The following STEAP4 variants were observed in gnomAD, a reference collection of about 807,000 sequenced individuals.
The protein encoded by STEAP4 is metalloreductase STEAP4.
A neutral mutation model predicts 43.6 loss-of-function variants in STEAP4; 36 were observed. That is an observed-to-expected ratio of 0.83 (90% confidence interval 0.63 to 1.09). The LOEUF is 1.09. Ranked by LOEUF, STEAP4 falls within the 50% of genes least tolerant of loss-of-function variation. The probability of loss-of-function intolerance (pLI) is 0.00; values close to 1 mark genes in which losing one functional copy is unlikely to be tolerated. For missense variants in STEAP4, 495 were observed against 546.5 expected (o/e 0.91, Z 0.94); for synonymous variants, 191 against 196.7 (o/e 0.97, Z 0.24).
intron 1 of STEAP4, among the ~76,000 whole-genome samples, chr7:88,303,222 G>T (rs892036820): frequency 6.9e-6 from 1 of 144,668 alleles, no homozygotes; most frequent in South Asian, 2.2e-4. Context: ...CCAACCGGGC[G>T]CGGTGGCTCA....
chr7:88,287,368 C>T (rs1430197127), intron 1 of STEAP4, among the ~76,000 whole-genome samples: 3 of 152,118 alleles, frequency 2.0e-5, no homozygotes, highest in African/African-American at 7.2e-5. Context: ...CAATCCTGGT[C>T]GAGCCCCCAA....
intron 1 of STEAP4, among the ~76,000 whole-genome samples, chr7:88,285,887 A>G (rs1241624162): frequency 6.6e-6 from 1 of 152,196 alleles, no homozygotes. Flanking sequence ...GGTCAATGAG[A>G]AAACAGATTA....
chr7:88,283,491 A>G, intron 2 of STEAP4: 1 of 487,744 alleles, frequency 2.1e-6, no homozygotes, highest in Non-Finnish European at 3.6e-6. Context: ...ATCTCAGTGT[A>G]TAAATGGAAC....
Position 88,280,983 on chromosome 7 carries a change from G to A in STEAP4, c.1081C>T (p.Leu361Phe), listed in dbSNP as rs1355478049. The A allele has an allele frequency of 6.2e-7, 1 of 1,613,084 alleles. No individual in the cohort carries two copies. Among genetic ancestry groups the A allele is most frequent in the East Asian group, 2.2e-5 (1 of 44,720 alleles). ...LGILGFFLFV[L>F]LGITSLPSVS... ...GATGGCAAAGAAGTGATTCCCAAGA[G>A]TACAAACAGAAAAAACCCAAGTATT... Residue 361 changes from leucine (L) to phenylalanine (F), a missense_variant, in exon 4 of 5, where the codon CTC becomes TTC. Leu to Phe is a conservative substitution (Grantham distance 22). Transcript: ENST00000380079.
chr7:88,298,466 A>AACACACACACACACACACACAC (rs35424721), intron 1 of STEAP4: 1 of 141,318 alleles, frequency 7.1e-6, no homozygotes, highest in South Asian at 2.3e-4. Context: ...GGTTCTTGTA[A>AACACACACACACACACACACAC]ACACACACAC....
chr7:88,286,185 A>G (rs1852731078), intron 1 of STEAP4, among the ~76,000 whole-genome samples: 1 of 152,238 alleles, frequency 6.6e-6, no homozygotes, highest in Admixed American at 6.5e-5. Context: ...AAAGAAATTG[A>G]CAAGGAAATT....
At chr7:88,283,444 T>C (rs1247636453) in intron 2 of STEAP4, 2 of 483,144 alleles carry the variant, frequency 4.1e-6, no homozygotes, top group East Asian at 3.4e-5. Context: ...TTTGATCTTC[T>C]GTGTTTGTGG....
intron 1 of STEAP4, among the ~76,000 whole-genome samples, chr7:88,295,016 T>C (rs916080644): frequency 7.2e-5 from 11 of 152,180 alleles, no homozygotes; most frequent in African/African-American, 2.7e-4. Flanking sequence ...AATATACAAA[T>C]TTAAAATGTA....
chr7:88,303,210 C>CAA (rs1853069677), intron 1 of STEAP4, among the ~76,000 whole-genome samples: 6 of 120,148 alleles, frequency 5.0e-5, no homozygotes, highest in Admixed American at 1.7e-4. Flanking sequence ...AAAAAAAAAA[C>CAA]TCCAACCGGG....
At chr7:88,285,021 C>T (rs1852704196) in intron 1 of STEAP4, among the ~76,000 whole-genome samples, 2 of 151,966 alleles carry the variant, frequency 1.3e-5, no homozygotes, top group African/African-American at 2.4e-5. Context: ...AAAGCTCTAA[C>T]ATAACTAGAT....
At chr7:88,300,135 T>C (rs1853006282) in intron 1 of STEAP4, among the ~76,000 whole-genome samples, 1 of 152,342 alleles carries the variant, frequency 6.6e-6, no homozygotes, top group African/African-American at 2.4e-5. Context: ...TATTCTGATA[T>C]ACAAGCTTGA....
intron 1 of STEAP4, among the ~76,000 whole-genome samples, chr7:88,285,446 G>A (rs1399542997): frequency 1.3e-5 from 2 of 152,066 alleles, no homozygotes; most frequent in African/African-American, 4.8e-5. Flanking sequence ...GTTAATAAAT[G>A]GGATGCTAGT....
chr7:88,299,360 G>A (rs951086655), intron 1 of STEAP4, among the ~76,000 whole-genome samples: 8 of 152,134 alleles, frequency 5.3e-5, no homozygotes, highest in Non-Finnish European at 1.2e-4. Context: ...TAAAGCCCAG[G>A]ACTCATGACA....
In STEAP4 at chr7:88,284,850, C is replaced by A. The variant is rs78352746; in HGVS notation, c.-2-579G>T. On this transcript the variant is annotated intron_variant, in intron 1 of 4. Transcript: ENST00000380079. ...TAAAATTCAACATTTATTCTTGATT[C>A]ATAGTGAAAGAGAAATACATAGATA... 2.7e-3 allele frequency among the ~76,000 whole-genome samples: 405 copies of A among 152,176 alleles called. 16 individuals carry two copies. The East Asian group carries it at 0.062, about 23-fold the overall frequency.
Position 88,279,218 on chromosome 7 carries a change from T to A in STEAP4, c.*180A>T, listed in dbSNP as rs1372951610. On this transcript the variant is annotated 3_prime_UTR_variant, in exon 5 of 5. Transcript: ENST00000380079. ...TCACTAACCTGAGATAAAATGGTGT[T>A]CTCTTCCAGTATGTCAGTCAATTTC... 3.3e-6 allele frequency: 2 copies of A among 608,096 alleles called. No homozygotes were observed. The highest frequency in any genetic ancestry group is 5.8e-6 in the Non-Finnish European group (2 of 347,150). The allele number at this position is 608,096 out of a possible 1,614,324, so 37.7% of individuals were successfully genotyped here. A position where few individuals can be genotyped will look rare whatever the true frequency, so the allele number is the denominator to read the frequency against.
At chr7:88,289,571 A>G (rs1852801936) in intron 1 of STEAP4, among the ~76,000 whole-genome samples, 1 of 152,218 alleles carries the variant, frequency 6.6e-6, no homozygotes, top group South Asian at 2.1e-4. Context: ...CTGAAGTTGC[A>G]CGCCTCCATC....
At chr7:88,287,748 A>G (rs1852760706) in intron 1 of STEAP4, among the ~76,000 whole-genome samples, 1 of 152,200 alleles carries the variant, frequency 6.6e-6, no homozygotes. Flanking sequence ...AATGCTATCC[A>G]TAGGAGCAAT....
intron 1 of STEAP4, among the ~76,000 whole-genome samples, chr7:88,299,492 C>A (rs1852993026): frequency 1.3e-5 from 2 of 152,150 alleles, no homozygotes; most frequent in Non-Finnish European, 2.9e-5. Flanking sequence ...CTGGTCATGA[C>A]CAGGACCAGT....
At chr7:88,302,520 G>A (rs761902191) in intron 1 of STEAP4, among the ~76,000 whole-genome samples, 4 of 152,208 alleles carry the variant, frequency 2.6e-5, no homozygotes, top group Non-Finnish European at 4.4e-5. Context: ...TTCACACCCT[G>A]TAAAAAGAGC....
Sources: allele counts gnomAD v4.1 joint callset (sites outside exome capture counted in the v4.1 genomes callset), GRCh38; gene constraint gnomAD v4.1.1; transcripts MANE v1.5; gene names NCBI Gene and HGNC (gene_info 2026-07-23, HGNC 2026-07-21).